Variants in BRPF3 observed in about 807,000 individuals in gnomAD.
BRPF3 encodes the protein bromodomain and PHD finger-containing protein 3.
A neutral mutation model predicts 102.0 loss-of-function variants in BRPF3; 18 were observed. That is an observed-to-expected ratio of 0.18 (90% CI 0.12 to 0.26). The LOEUF (loss-of-function observed/expected upper bound fraction) is 0.26, where lower values mean the gene tolerates loss of function less well. Among genes scored for constraint, BRPF3 ranks in the 10% least tolerant of loss-of-function variants. BRPF3 has a pLI of 1.00. For missense variants in BRPF3, 1,147 were observed against 1,567.8 expected, an observed-to-expected ratio of 0.73 and a Z score of 4.53; for synonymous variants, 570 against 614.2, an observed-to-expected ratio of 0.93 and a Z score of 1.06.
intron 3 of BRPF3, among the ~76,000 whole-genome samples, chr6:36,206,007 T>C (rs1288603703): frequency 1.3e-5 from 2 of 152,110 alleles, no homozygotes; most frequent in Admixed American, 6.6e-5. Context: ...CACCTTGGAG[T>C]TACTTTTGAC....
At position 36,210,604 on chromosome 6, in the gene BRPF3, A is replaced by C; in HGVS notation, c.2179+76A>C. On this transcript the variant is annotated intron_variant, in intron 6 of 12. Coordinates refer to ENST00000357641, the MANE Select transcript of BRPF3 (RefSeq NM_015695.3). The surrounding 1 kb of genome is among the most constrained non-coding windows in gnomAD (Gnocchi z 4.7). ...AACAGAGTCTACAGAGTGAGGGATC[A>C]GGGTGGTCCTTGGGGCTATAGGTAG... The C allele has an allele frequency of 7.0e-7, 1 of 1,423,722 alleles. No individual in the cohort carries two copies. The highest frequency in any genetic ancestry group is 9.4e-7 in the Non-Finnish European group (1 of 1,061,834). 88.2% of individuals were successfully genotyped at this position (1,423,722 alleles called of 1,614,324 possible). A position where few individuals can be genotyped will look rare whatever the true frequency, so the allele number is the denominator to read the frequency against.
intron 3 of BRPF3, among the ~76,000 whole-genome samples, chr6:36,206,664 G>A (rs1767917435): frequency 6.6e-6 from 1 of 152,110 alleles, no homozygotes; most frequent in Non-Finnish European, 1.5e-5. Context: ...GCCCATCCAT[G>A]TCTGTCACCT....
In BRPF3 at chr6:36,200,213, T is replaced by C. The variant is rs1767643288; in HGVS notation, c.-26-84T>C. 2.1e-6 allele frequency: 3 copies of C among 1,427,734 alleles called. No individual in the cohort carries two copies. The highest frequency in any genetic ancestry group is 2.8e-6 in the Non-Finnish European group (3 of 1,088,518). The allele number at this position is 1,427,734 out of a possible 1,614,324, so 88.4% of individuals were successfully genotyped here. A position where few individuals can be genotyped will look rare whatever the true frequency, so the allele number is the denominator to read the frequency against. ...TTCAGACAGAGGGAAAAGCCAGTCC[T>C]CTTGGTGGATGCTTGATCATATGGG... On this transcript the variant is annotated intron_variant, in intron 1 of 12. Transcript: ENST00000357641. The surrounding 1 kb of genome is among the most constrained non-coding windows in gnomAD (Gnocchi z 5.3).
chr6:36,226,846 G>T (rs1198402145), intron 11 of BRPF3, among the ~76,000 whole-genome samples: 1 of 152,264 alleles, frequency 6.6e-6, no homozygotes, highest in Non-Finnish European at 1.5e-5. Flanking sequence ...CCTAGCAGCT[G>T]AAGAGTTAGG....
intron 11 of BRPF3, 28 bp from the exon 12 acceptor site, chr6:36,228,874 G>A: frequency 6.2e-7 from 1 of 1,612,764 alleles, no homozygotes; most frequent in Admixed American, 1.7e-5. Context: ...CTCCCTCACT[G>A]AGTGCCCATC....
chr6:36,222,018 G>GT, intron 9 of BRPF3, 150 bp from the exon 10 acceptor site: 1 of 711,506 alleles, frequency 1.4e-6, no homozygotes. Flanking sequence ...ATGGGTTAGT[G>GT]TGAGTTTTTA....
At chr6:36,198,582 C>T (rs181187509) in intron 1 of BRPF3, among the ~76,000 whole-genome samples, 4 of 152,302 alleles carry the variant, frequency 2.6e-5, no homozygotes. Flanking sequence ...GCTACACCAT[C>T]TCCTAAGGTA....
At chr6:36,214,446 A>C (rs1768255382) in intron 8 of BRPF3, 60 bp downstream of exon 8, 1 of 1,493,780 alleles carries the variant, frequency 6.7e-7, no homozygotes. Context: ...TTGCCTTGCC[A>C]ACCAGCACCT....
At chr6:36,222,486 G>T (rs1768585435) in intron 10 of BRPF3, among the ~76,000 whole-genome samples, 1 of 151,402 alleles carries the variant, frequency 6.6e-6, no homozygotes, top group Non-Finnish European at 1.5e-5. Context: ...CATGCCCATA[G>T]TAATAAAAAT....
rs768525734 is a variant in BRPF3, at chr6:36,210,382, C to G, written c.2033C>G (p.Ala678Gly). ...YNAKDTIFHR[A>G]AVRLRDLGGA... ...GCTAAAGACACAATTTTCCACCGAG[C>G]AGCTGTCCGCCTGCGGGACCTGGGA... The change falls in exon 6 of 13, where the codon GCA becomes GGA. Residue 678 changes from alanine to glycine, a missense_variant. Transcript: ENST00000357641. This position sits in a 1 kb window ranked among gnomAD's most constrained non-coding sequence, Gnocchi z 4.7. 3.4e-5 allele frequency: 55 copies of G among 1,614,230 alleles called. No individual in the cohort carries two copies. Among genetic ancestry groups the G allele is most frequent in the Non-Finnish European group, 4.7e-5 (55 of 1,180,048 alleles).
chr6:36,223,564 A>G (rs192350392), intron 10 of BRPF3, among the ~76,000 whole-genome samples: 115 of 152,304 alleles, frequency 7.6e-4, no homozygotes, highest in African/African-American at 2.7e-3. Flanking sequence ...CACATTTTTA[A>G]CAAAATGCTG....
chr6:36,231,871 A>C lies in BRPF3; in HGVS notation c.*1262A>C, dbSNP rs1180312539. ...AACCAACACAACTTTCAGAGGCTTC[A>C]GTGTCTGTTCTCTGGACATTTCTTT... On this transcript the variant is annotated 3_prime_UTR_variant, in exon 13 of 13. Transcript: ENST00000357641. 2.0e-5 allele frequency: 3 copies of C among 152,666 alleles called. No homozygotes were observed. The highest frequency in any genetic ancestry group is 4.4e-5 in the Non-Finnish European group (3 of 68,048). The allele number at this position is 152,666 out of a possible 1,614,324, so 9.5% of individuals were successfully genotyped here. A position where few individuals can be genotyped will look rare whatever the true frequency, so the allele number is the denominator to read the frequency against.
chr6:36,200,688 G>A lies in BRPF3; in HGVS notation c.366G>A (p.Val122=), dbSNP rs1292666222. The change falls in exon 2 of 13, where the codon GTG becomes GTA. Residue 122 remains valine (V), a synonymous_variant. Coordinates refer to ENST00000357641, the MANE Select transcript of BRPF3 (RefSeq NM_015695.3). This position sits in a 1 kb window ranked among gnomAD's most constrained non-coding sequence, Gnocchi z 5.3. ...FHLPQPSFRM[V]DSGIQPEAPP... ...TCCCACAGCCCAGCTTCCGTATGGTGGACTCAGGCATCCAGCCAGAAGCAC... is the reference window on the plus strand; with the variant it reads ...TCCCACAGCCCAGCTTCCGTATGGTAGACTCAGGCATCCAGCCAGAAGCAC... The A allele has an allele frequency of 1.5e-5, 25 of 1,614,038 alleles. No homozygotes were observed. Among genetic ancestry groups the A allele is most frequent in the East Asian group, 2.2e-5 (1 of 44,890 alleles).
chr6:36,201,551 A>G lies in BRPF3; in HGVS notation c.1229A>G (p.Glu410Gly). Residue 410 changes from glutamate to glycine, a missense_variant, in exon 2 of 13, where the codon GAG (glutamate) becomes GGG (glycine). Physicochemically the swap from Glu to Gly is moderately conservative, Grantham distance 98 (BLOSUM62 -2). Transcript: ENST00000357641. This position sits in a 1 kb window ranked among gnomAD's most constrained non-coding sequence, Gnocchi z 5.1. Reference sequence around the variant, plus strand: ...AGAAGCATCAGTGAGACTGGCGATGAGGAAGGGCTGAAGGAGGGTGATGGA... The same window carrying G: ...AGAAGCATCAGTGAGACTGGCGATGGGGAAGGGCTGAAGGAGGGTGATGGA... ...SPRSISETGD[E>G]EGLKEGDGEE... 1.9e-6 allele frequency: 3 copies of G among 1,614,096 alleles called. No individual in the cohort carries two copies. Among genetic ancestry groups the G allele is most frequent in the Non-Finnish European group, 1.7e-6 (2 of 1,179,988 alleles).
At chr6:36,204,443 A>G (rs1767831756) in intron 2 of BRPF3, 1 of 585,136 alleles carries the variant, frequency 1.7e-6, no homozygotes. Context: ...CTGCAAGGCA[A>G]GAGGTGGAAA....
intron 9 of BRPF3, among the ~76,000 whole-genome samples, chr6:36,218,461 CTT>C (rs547108095): frequency 8.9e-5 from 12 of 134,414 alleles, no homozygotes; most frequent in Admixed American, 1.5e-4. Flanking sequence ...TTGGAATTGC[CTT>C]TTTTTTTTTT....
intron 2 of BRPF3, among the ~76,000 whole-genome samples, chr6:36,203,791 A>G (rs1767803686): frequency 6.6e-6 from 1 of 152,244 alleles, no homozygotes; most frequent in Non-Finnish European, 1.5e-5. Flanking sequence ...ACCATGGTAT[A>G]GCAGAGAGAT....
chr6:36,230,380 T>C lies in BRPF3; in HGVS notation c.3435-46T>C, dbSNP rs375347975. ...TGGGGCCACAGGAGCCCGAGCCCCCTGTGAGACCCACTACTGCCCAGCCTC... is the reference window on the plus strand; with the variant it reads ...TGGGGCCACAGGAGCCCGAGCCCCCCGTGAGACCCACTACTGCCCAGCCTC... On this transcript the variant is annotated intron_variant, in intron 12 of 12. Coordinates refer to ENST00000357641, the MANE Select transcript of BRPF3 (RefSeq NM_015695.3). The surrounding 1 kb of genome is among the most constrained non-coding windows in gnomAD (Gnocchi z 5.4). The C allele has an allele frequency of 6.3e-7, 1 of 1,594,250 alleles. No individual in the cohort carries two copies. Among genetic ancestry groups the C allele is most frequent in the Non-Finnish European group, 8.6e-7 (1 of 1,166,074 alleles).
intron 9 of BRPF3, among the ~76,000 whole-genome samples, chr6:36,219,815 CAGAATTAGAAATAACCTTGAA>C (rs1768471426): frequency 6.6e-6 from 1 of 152,150 alleles, no homozygotes; most frequent in South Asian, 2.1e-4. Flanking sequence ...CATATAATCC[CAGAATTAGAAATAACCTTGAA>C]AGAACTGGTC....
Sources: allele counts gnomAD v4.1 joint callset (sites outside exome capture counted in the v4.1 genomes callset), GRCh38; gene constraint gnomAD v4.1.1; non-coding constraint Gnocchi (gnomAD v3.1); transcripts MANE v1.5; gene names NCBI Gene and HGNC (gene_info 2026-07-23, HGNC 2026-07-21).